ADAM11: variants seen among roughly 807,000 people sequenced by gnomAD.
ADAM11 encodes disintegrin and metalloproteinase domain-containing protein 11.
Under a neutral mutation model 119.1 loss-of-function variants are expected in ADAM11, and 49 were observed. The ratio of observed to expected loss-of-function variants is 0.41; its 90% CI spans 0.33 to 0.52. ADAM11 has a LOEUF of 0.52. Ranked by LOEUF, ADAM11 falls within the 20% of genes least tolerant of loss-of-function variation. The pLI, the probability that ADAM11 is intolerant of heterozygous loss-of-function variation, is 0.20. For missense variants in ADAM11, 777 were observed against 1,047.5 expected (o/e 0.74, Z 3.56); for synonymous variants, 364 against 408.0 (o/e 0.89, Z 1.30).
At chr17:44,760,137 G>T (rs1376420627) in intron 2 of ADAM11, among the ~76,000 whole-genome samples, 2 of 152,222 alleles carry the variant, frequency 1.3e-5, no homozygotes, top group Non-Finnish European at 2.9e-5. Context: ...GACCACTAAT[G>T]CCTAGGTCTC....
Position 44,774,568 on chromosome 17 carries a change from A to T in ADAM11, c.1154A>T (p.His385Leu), listed in dbSNP as rs201379245. 1 of 1,613,118 alleles carries T rather than the reference A, an allele frequency of 6.2e-7. No individual in the cohort carries two copies. Among genetic ancestry groups the T allele is most frequent in the East Asian group, 2.2e-5 (1 of 44,854 alleles). ...AACCTGGGCATGATGTGGAACAAACACCGGAGCTCGGCAGGTATCCTCCCC... is the reference window on the plus strand; with the variant it reads ...AACCTGGGCATGATGTGGAACAAACTCCGGAGCTCGGCAGGTATCCTCCCC... The part of the protein sequence containing the change: ...GQNLGMMWNK[H>L]RSSAGDCKCP... The change falls in exon 13 of 27, where the codon CAC becomes CTC. Residue 385 changes from histidine to leucine, a missense_variant. His to Leu is a moderately conservative substitution (Grantham distance 99, BLOSUM62 -3). Around this residue, in one of 4 missense-constraint regions of ADAM11, gnomAD observed 147 missense variants for 223.3 expected, o/e 0.66. Transcript: ENST00000200557.
rs1316445914 is a variant in ADAM11 at position 44,772,956 on chromosome 17, CG to C, written c.753+26del. 4 of 1,614,058 alleles carry C rather than the reference CG, an allele frequency of 2.5e-6. No homozygotes were observed. The East Asian group carries it at 6.7e-5, about 27-fold the overall frequency. On this transcript the variant is annotated intron_variant, in intron 9 of 26. Transcript: ENST00000200557. This position sits in a 1 kb window ranked among gnomAD's most constrained non-coding sequence, Gnocchi z 4.5. Reference sequence around the variant, plus strand: ...GGTGAGTGCCAGGGCAGGGACAGGGCGTGACACTGGGAGGCCCCTGAGGAGC... The same window carrying C: ...GGTGAGTGCCAGGGCAGGGACAGGGCTGACACTGGGAGGCCCCTGAGGAGC...
chr17:44,761,336 C>T (rs1191219326), intron 2 of ADAM11, among the ~76,000 whole-genome samples: 2 of 152,234 alleles, frequency 1.3e-5, no homozygotes, highest in African/African-American at 4.8e-5. Flanking sequence ...GTCAGGTATT[C>T]CAACTGGGCA....
At chr17:44,767,180 C>T (rs994965113) in intron 2 of ADAM11, among the ~76,000 whole-genome samples, 2 of 151,752 alleles carry the variant, frequency 1.3e-5, no homozygotes, top group Non-Finnish European at 2.9e-5. Context: ...ATGGTGAAAC[C>T]CTGTCTCTAC....
rs1236685356 is a variant in ADAM11 at position 44,771,019 on chromosome 17, CAGA to C, written c.382-560_382-558del. Among the ~76,000 whole-genome samples, 11 of 152,278 alleles carry C rather than the reference CAGA, an allele frequency of 7.2e-5. No individual in the cohort carries two copies. The East Asian group carries it at 1.7e-3, about 24-fold the overall frequency. Reference sequence around the variant, plus strand: ...ATCCCAGCTACTTGGGAGGCTGAGGCAGAAGAATTGTTTGAACCCGGGAGGCGG... The same window carrying C: ...ATCCCAGCTACTTGGGAGGCTGAGGCAGAATTGTTTGAACCCGGGAGGCGG... On this transcript the variant is annotated intron_variant, in intron 4 of 26. Coordinates refer to ENST00000200557, the MANE Select transcript of ADAM11 (RefSeq NM_002390.6).
chr17:44,777,780 G>A lies in ADAM11; in HGVS notation c.1987G>A (p.Asp663Asn), dbSNP rs767622588. 1.2e-6 allele frequency: 2 copies of A among 1,613,870 alleles called. No individual in the cohort carries two copies. Among genetic ancestry groups the A allele is most frequent in the African/African-American group, 2.7e-5 (2 of 74,932 alleles). Residue 663 changes from aspartate to asparagine, a missense_variant, in exon 23 of 27, where the codon GAC (aspartate) becomes AAC (asparagine). Coordinates refer to ENST00000200557, the MANE Select transcript of ADAM11 (RefSeq NM_002390.6). This position sits in a 1 kb window ranked among gnomAD's most constrained non-coding sequence, Gnocchi z 5.1. ...CTGCGGGCCTAACATGTTGTGCCTG[G>A]ACCATCGCTGCCTGCCAGCTTCTGC... ...TACGPNMLCLDHRCLPASAFN... is the reference protein window; with the variant it reads ...TACGPNMLCLNHRCLPASAFN...
chr17:44,762,803 T>G (rs1598881884), intron 2 of ADAM11, among the ~76,000 whole-genome samples: 1 of 150,184 alleles, frequency 6.7e-6, no homozygotes, highest in African/African-American at 2.5e-5. Context: ...GGGGCAAGGG[T>G]GGGGGTGCGA....
rs749087874 is a variant in ADAM11, at chr17:44,779,215, C to G, written c.2277-7C>G. 1 of 1,587,954 alleles carries G rather than the reference C, an allele frequency of 6.3e-7. No homozygotes were observed. The highest frequency in any genetic ancestry group is 8.5e-7 in the Non-Finnish European group (1 of 1,169,986). The stretch of plus-strand genomic sequence containing the variant: ...TCCTCTCCCCTTCCACCATCCTCCC[C>G]CTGCAGAAACATTCGCCGAGGAAGG... On this transcript the variant is annotated splice_region_variant and splice_polypyrimidine_tract_variant and intron_variant, in intron 25 of 26. Coordinates refer to ENST00000200557, the MANE Select transcript of ADAM11 (RefSeq NM_002390.6).
chr17:44,777,564 G>A lies in ADAM11; in HGVS notation c.1864G>A (p.Val622Ile). The change falls in exon 22 of 27, where the codon GTC (valine) becomes ATC (isoleucine). Residue 622 changes from valine to isoleucine, a missense_variant. Physicochemically the swap from Val to Ile is conservative, Grantham distance 29 (BLOSUM62 3). Around this residue, in one of 4 missense-constraint regions of ADAM11, gnomAD observed 348 missense variants for 486.7 expected, o/e 0.72. Coordinates refer to ENST00000200557, the MANE Select transcript of ADAM11 (RefSeq NM_002390.6). This position sits in a 1 kb window ranked among gnomAD's most constrained non-coding sequence, Gnocchi z 5.1. ...GGACCTGGTGGGAGACATCAGTAGT[G>A]TCACCTTCTACCACCAGGGCAAGGA... ...LGDLVGDISS[V>I]TFYHQGKELD... 2 of 1,614,174 alleles carry A rather than the reference G, an allele frequency of 1.2e-6. No homozygotes were observed. Among genetic ancestry groups the A allele is most frequent in the South Asian group, 1.1e-5 (1 of 91,080 alleles).
At chr17:44,766,204 G>A (rs1390351464) in intron 2 of ADAM11, among the ~76,000 whole-genome samples, 2 of 152,172 alleles carry the variant, frequency 1.3e-5, no homozygotes, top group East Asian at 3.8e-4. Flanking sequence ...GGAGGAGAGG[G>A]AGGTCCGGGC....
chr17:44,775,815 G>T lies in ADAM11; in HGVS notation c.1485+139G>T. ...TGGGGCAGGGCTTGATGCGAAGACA[G>T]CGCCAATGGGGAGCAAGGGGCGGGG... On this transcript the variant is annotated intron_variant, in intron 17 of 26. Transcript: ENST00000200557. This position sits in a 1 kb window ranked among gnomAD's most constrained non-coding sequence, Gnocchi z 7.5. The T allele has an allele frequency of 1.1e-6, 1 of 923,514 alleles. No individual in the cohort carries two copies. Among genetic ancestry groups the T allele is most frequent in the South Asian group, 1.7e-5 (1 of 58,538 alleles). The allele number at this position is 923,514 out of a possible 1,614,324, so 57.2% of individuals were successfully genotyped here.
Position 44,772,295 on chromosome 17 carries a change from C to A in ADAM11, c.572C>A (p.Thr191Asn). The A allele has an allele frequency of 6.2e-7, 1 of 1,608,086 alleles. No homozygotes were observed. Among genetic ancestry groups the A allele is most frequent in the Non-Finnish European group, 8.5e-7 (1 of 1,177,022 alleles). Residue 191 changes from threonine (T) to asparagine (N), a missense_variant, in exon 7 of 27, where the codon ACC (threonine) becomes AAC (asparagine). This residue lies in a region of ADAM11 where 278 missense variants were observed against 310.1 expected (regional missense o/e 0.90). Coordinates refer to ENST00000200557, the MANE Select transcript of ADAM11 (RefSeq NM_002390.6). This position sits in a 1 kb window ranked among gnomAD's most constrained non-coding sequence, Gnocchi z 4.5. The part of the protein sequence containing the change: ...QGPLPHLIYR[T>N]PLLPDPLGCR... ...CCCCTTCCCCACCTCATTTACCGGA[C>A]CCCTCTCCTCCCAGATCCCCTCGGA... is the stretch of plus-strand genomic sequence containing the variant.
Position 44,759,724 on chromosome 17 carries a change from C to T in ADAM11, c.64C>T (p.Leu22Phe). 1 of 1,322,138 alleles carries T rather than the reference C, an allele frequency of 7.6e-7. No homozygotes were observed. Among genetic ancestry groups the T allele is most frequent in the Non-Finnish European group, 9.7e-7 (1 of 1,027,860 alleles). The allele number at this position is 1,322,138 out of a possible 1,614,324, so 81.9% of individuals were successfully genotyped here. A position where few individuals can be genotyped will look rare whatever the true frequency, so the allele number is the denominator to read the frequency against. ...LLLSLLPTPG[L>F]GTQGPAGALR... ...CAGCCATGGCCTTGTTTCCCCAGGT[C>T]TTGGGACCCAAGGTCCTGCTGGAGC... The change falls in exon 2 of 27, where the codon CTT becomes TTT. Residue 22 changes from leucine to phenylalanine, a missense_variant and splice_region_variant. Coordinates refer to ENST00000200557, the MANE Select transcript of ADAM11 (RefSeq NM_002390.6).
At chr17:44,761,793 C>G (rs1319228384) in intron 2 of ADAM11, among the ~76,000 whole-genome samples, 1 of 151,650 alleles carries the variant, frequency 6.6e-6, no homozygotes, top group Non-Finnish European at 1.5e-5. Flanking sequence ...TCACTTATTT[C>G]TCACAACTCT....
Position 44,776,178 on chromosome 17 carries a change from G to A in ADAM11, c.1537G>A (p.Ala513Thr). 2 of 1,613,508 alleles carry A rather than the reference G, an allele frequency of 1.2e-6. No homozygotes were observed. Among genetic ancestry groups the A allele is most frequent in the Non-Finnish European group, 1.7e-6 (2 of 1,179,932 alleles). The change falls in exon 18 of 27, where the codon GCG becomes ACG. Residue 513 changes from alanine (A) to threonine (T), a missense_variant. Physicochemically the swap from Ala to Thr is moderately conservative, Grantham distance 58. Coordinates refer to ENST00000200557, the MANE Select transcript of ADAM11 (RefSeq NM_002390.6). This position sits in a 1 kb window ranked among gnomAD's most constrained non-coding sequence, Gnocchi z 5.2. ...AGAGGCCGTGAACGAGTGCGACATC[G>A]CGGAGACCTGCACCGGGGACTCTAG... ...CREAVNECDI[A>T]ETCTGDSSQC... is the part of the protein sequence containing the mutation.
chr17:44,775,625 C>T lies in ADAM11; in HGVS notation c.1434C>T (p.Thr478=). 3.8e-6 allele frequency: 6 copies of T among 1,592,486 alleles called. No homozygotes were observed. Among genetic ancestry groups the T allele is most frequent in the Non-Finnish European group, 3.4e-6 (4 of 1,170,666 alleles). The change falls in exon 17 of 27, where the codon ACC becomes ACT. Residue 478 remains threonine (T), a synonymous_variant. Transcript: ENST00000200557. This position sits in a 1 kb window ranked among gnomAD's most constrained non-coding sequence, Gnocchi z 7.5. The part of the protein sequence containing the change: ...RAGGNCCKKC[T]LTHDAMCSDG... ...GTGGCAACTGCTGCAAGAAATGCAC[C>T]CTGACTCACGACGCCATGTGCAGCG...
At chr17:44,779,556 G>A (rs906973515) in intron 26 of ADAM11, 183 bp from the exon 27 acceptor site, 1 of 985,276 alleles carries the variant, frequency 1.0e-6, no homozygotes. Context: ...GGCCCTCCCT[G>A]TGCGTCCCAT....
chr17:44,770,877 G>A (rs962980980), intron 4 of ADAM11, among the ~76,000 whole-genome samples: 5 of 152,190 alleles, frequency 3.3e-5, no homozygotes, highest in Admixed American at 2.6e-4. Context: ...ATCACTGGGA[G>A]GCTGAGGTGG....
chr17:44,759,284 G>C, intron 1 of ADAM11, 24 bp downstream of exon 1: 1 of 1,352,296 alleles, frequency 7.4e-7, no homozygotes, highest in Admixed American at 3.6e-5. Context: ...GCCCGGCCCC[G>C]GCGCCCCCTC....
Sources: gnomAD v4.1 joint callset for allele counts (sites outside exome capture counted in the v4.1 genomes callset) on GRCh38, gnomAD v4.1.1 for gene constraint, gnomAD v4.1.1 regional missense constraint, Gnocchi (gnomAD v3.1) non-coding constraint, MANE v1.5 for transcripts, NCBI Gene and HGNC (gene_info 2026-07-23, HGNC 2026-07-21) for gene names.